CNTNAP4: variants seen among roughly 807,000 people sequenced by gnomAD.
CNTNAP4 encodes the protein contactin associated protein family member 4.
CNTNAP4 carries 98 observed loss-of-function variants against 148.4 expected under a neutral mutation model. The ratio of observed to expected loss-of-function variants is 0.66; its 90% confidence interval spans 0.56 to 0.78. The LOEUF (loss-of-function observed/expected upper bound fraction) is 0.78, where lower values mean the gene tolerates loss of function less well. Among genes scored for constraint, CNTNAP4 ranks in the 30% least tolerant of loss-of-function variants. The pLI is 0.00. For missense variants in CNTNAP4, 1,935 were observed against 1,565.6 expected (o/e 1.24, Z -3.98); for synonymous variants, 730 against 565.1 (o/e 1.29, Z -4.14).
chr16:76,473,330 A>G (rs372388616), intron 10 of CNTNAP4, among the ~76,000 whole-genome samples: 49 of 152,338 alleles, frequency 3.2e-4, no homozygotes, highest in African/African-American at 1.1e-3. Flanking sequence ...ATTCATACAC[A>G]GTGAGATTGT....
chr16:76,317,891 G>A (rs976044833), intron 2 of CNTNAP4, among the ~76,000 whole-genome samples: 1 of 152,174 alleles, frequency 6.6e-6, no homozygotes, highest in African/African-American at 2.4e-5. Context: ...TGAATGTGAA[G>A]GTATCAGTGG....
intron 2 of CNTNAP4, among the ~76,000 whole-genome samples, chr16:76,317,577 G>A (rs923459314): frequency 6.6e-6 from 1 of 152,084 alleles, no homozygotes; most frequent in African/African-American, 2.4e-5. Context: ...TGATGTTTTT[G>A]GTTCTCCCAT....
At position 76,558,556 on chromosome 16, in the gene CNTNAP4, A is replaced by G. The variant is rs537236459; in HGVS notation, c.3800A>G (p.Gln1267Arg). ...GCCATAGCTGTTCGCATTTATCAGC[A>G]GAAAAGGTTATATAAAAGAAGTGAG... The part of the protein sequence containing the change: ...ITAIAVRIYQ[Q>R]KRLYKRSEAK... The change falls in exon 24 of 24, where the codon CAG becomes CGG. Residue 1267 changes from glutamine to arginine, a missense_variant. Coordinates refer to ENST00000611870, the MANE Select transcript of CNTNAP4 (RefSeq NM_033401.5). 6.2e-7 allele frequency: 1 copy of G among 1,612,424 alleles called. No individual in the cohort carries two copies. Among genetic ancestry groups the G allele is most frequent in the Non-Finnish European group, 8.5e-7 (1 of 1,178,526 alleles).
chr16:76,327,202 C>T (rs1051869465), intron 2 of CNTNAP4, among the ~76,000 whole-genome samples: 1 of 152,198 alleles, frequency 6.6e-6, no homozygotes, highest in Non-Finnish European at 1.5e-5. Context: ...CCTGCCCCAT[C>T]ACTGCCTCTC....
In CNTNAP4 at chr16:76,522,265, C is replaced by A. The variant is rs1225411149; in HGVS notation, c.2755+8C>A. On this transcript the variant is annotated splice_region_variant and intron_variant, in intron 17 of 23. Coordinates refer to ENST00000611870, the MANE Select transcript of CNTNAP4 (RefSeq NM_033401.5). Reference sequence around the variant, plus strand: ...ACAGTCAGCTCTTCGTGGGTAAGTTCTCTTTTTAAGCAATCATTTTATTGT... The same window carrying A: ...ACAGTCAGCTCTTCGTGGGTAAGTTATCTTTTTAAGCAATCATTTTATTGT... 5 of 1,612,072 alleles carry A rather than the reference C, an allele frequency of 3.1e-6. No homozygotes were observed. The highest frequency in any genetic ancestry group is 4.2e-6 in the Non-Finnish European group (5 of 1,178,704).
At chr16:76,458,827 G>A (rs932034737) in intron 8 of CNTNAP4, among the ~76,000 whole-genome samples, 5 of 152,144 alleles carry the variant, frequency 3.3e-5, no homozygotes, top group African/African-American at 1.2e-4. Flanking sequence ...TTTCCTCTGG[G>A]TATAGACCCA....
At chr16:76,394,818 A>C (rs1184494048) in intron 3 of CNTNAP4, among the ~76,000 whole-genome samples, 1 of 152,172 alleles carries the variant, frequency 6.6e-6, no homozygotes, top group South Asian at 2.1e-4. Context: ...TGAGTGATAC[A>C]TCATTCCCAT....
At chr16:76,500,266 C>T (rs954956031) in intron 15 of CNTNAP4, among the ~76,000 whole-genome samples, 2 of 152,138 alleles carry the variant, frequency 1.3e-5, no homozygotes, top group African/African-American at 4.8e-5. Flanking sequence ...GCTGGCCGGG[C>T]GGGGGCTGTA....
chr16:76,389,137 T>C (rs2144752123), intron 3 of CNTNAP4, among the ~76,000 whole-genome samples: 1 of 152,308 alleles, frequency 6.6e-6, no homozygotes, highest in East Asian at 1.9e-4. Context: ...AATATTGCTA[T>C]ATGTTAGAGA....
At chr16:76,447,984 G>C (rs367737389) in intron 4 of CNTNAP4, 28 bp from the exon 5 acceptor site, 7 of 1,497,806 alleles carry the variant, frequency 4.7e-6, no homozygotes, top group Non-Finnish European at 5.6e-6. Context: ...TTTATCCTTA[G>C]AATGCCTTCT....
chr16:76,522,373 A>G lies in CNTNAP4; in HGVS notation c.2755+116A>G, dbSNP rs2083491101. ...TAATAACAACAAGCAATAATAACAAATCACCATGGATTCACAAACTGTGTC... is the reference window on the plus strand; with the variant it reads ...TAATAACAACAAGCAATAATAACAAGTCACCATGGATTCACAAACTGTGTC... On this transcript the variant is annotated intron_variant, in intron 17 of 23. Coordinates refer to ENST00000611870, the MANE Select transcript of CNTNAP4 (RefSeq NM_033401.5). The G allele has an allele frequency of 3.5e-6, 3 of 851,492 alleles. No homozygotes were observed. In the South Asian group the frequency reaches 5.1e-5, roughly 15 times the overall value. The allele number at this position is 851,492 out of a possible 1,614,324, so 52.7% of individuals were successfully genotyped here. A position where few individuals can be genotyped will look rare whatever the true frequency, so the allele number is the denominator to read the frequency against.
chr16:76,337,046 C>G (rs754273539), intron 2 of CNTNAP4, among the ~76,000 whole-genome samples: 3 of 152,200 alleles, frequency 2.0e-5, no homozygotes, highest in Non-Finnish European at 4.4e-5. Flanking sequence ...AAATACTAAA[C>G]TATCTTCTCA....
At chr16:76,429,340 A>G (rs1348311775) in intron 4 of CNTNAP4, among the ~76,000 whole-genome samples, 5 of 152,212 alleles carry the variant, frequency 3.3e-5, no homozygotes, top group African/African-American at 9.6e-5. Context: ...TCCTGTTTAC[A>G]GTTATATTCT....
At chr16:76,453,376 T>C (rs914345863) in intron 8 of CNTNAP4, among the ~76,000 whole-genome samples, 4 of 152,218 alleles carry the variant, frequency 2.6e-5, no homozygotes, top group Non-Finnish European at 5.9e-5. Flanking sequence ...TGATTAGAAG[T>C]AATGTACTTG....
intron 1 of CNTNAP4, 169 bp from the exon 2 acceptor site, chr16:76,316,244 A>G: frequency 3.0e-6 from 2 of 656,418 alleles, no homozygotes; most frequent in South Asian, 3.4e-5. Context: ...TTCTTTTCTC[A>G]TTGAACTTAC....
intron 10 of CNTNAP4, among the ~76,000 whole-genome samples, chr16:76,471,565 C>T (rs941861551): frequency 6.6e-6 from 1 of 152,140 alleles, no homozygotes; most frequent in African/African-American, 2.4e-5. Flanking sequence ...GTTCTGGCCT[C>T]CAGCCTCCAT....
intron 9 of CNTNAP4, among the ~76,000 whole-genome samples, chr16:76,465,193 C>A (rs1042092824): frequency 7.9e-5 from 12 of 152,296 alleles, no homozygotes; most frequent in African/African-American, 2.6e-4. Context: ...AGTAATGGAT[C>A]CATCCATTAA....
At chr16:76,504,198 C>T (rs752663746) in intron 15 of CNTNAP4, among the ~76,000 whole-genome samples, 2 of 151,966 alleles carry the variant, frequency 1.3e-5, no homozygotes, top group South Asian at 2.1e-4. Context: ...ATAAGACTTA[C>T]TGTAAAACTA....
intron 2 of CNTNAP4, among the ~76,000 whole-genome samples, chr16:76,346,118 G>A (rs1040874989): frequency 6.6e-6 from 1 of 152,090 alleles, no homozygotes; most frequent in African/African-American, 2.4e-5. Context: ...GTGTATTCAA[G>A]ACCGAATTCA....
Sources: gnomAD v4.1 joint callset for allele counts (sites outside exome capture counted in the v4.1 genomes callset) on GRCh38, gnomAD v4.1.1 for gene constraint, MANE v1.5 for transcripts, NCBI Gene and HGNC (gene_info 2026-07-23, HGNC 2026-07-21) for gene names.